The following TRPM3 variants were observed in gnomAD, a reference collection of about 807,000 sequenced individuals.
The protein encoded by TRPM3 is transient receptor potential cation channel subfamily M member 3, also known as long transient receptor potential channel 3.
In TRPM3, 77 loss-of-function variants were observed where a neutral mutation model predicts 181.2. That is an observed-to-expected ratio of 0.42 (90% CI 0.35 to 0.51). TRPM3 has a LOEUF of 0.51. Ranked by LOEUF, TRPM3 falls within the 20% of genes least tolerant of loss-of-function variation. TRPM3 has a pLI of 0.01. For missense variants in TRPM3, 1,759 were observed against 2,196.7 expected (o/e 0.80, Z 3.98); for synonymous variants, 745 against 796.4 (o/e 0.94, Z 1.09).
intron 5 of TRPM3, among the ~76,000 whole-genome samples, chr9:70,831,078 G>T (rs1342470182): frequency 6.6e-6 from 1 of 152,186 alleles, no homozygotes; most frequent in East Asian, 1.9e-4. Flanking sequence ...ATCTAAGAGG[G>T]TGATGGTCTG....
intron 14 of TRPM3, 79 bp from the exon 15 acceptor site, chr9:70,621,352 AT>A: frequency 1.8e-6 from 2 of 1,136,906 alleles, no homozygotes; most frequent in Admixed American, 2.6e-5. Context: ...CCTATTATAT[AT>A]TTTTTGTTTT....
At chr9:70,607,052 C>T (rs1301013318) in intron 19 of TRPM3, among the ~76,000 whole-genome samples, 1 of 152,220 alleles carries the variant, frequency 6.6e-6, no homozygotes, top group East Asian at 1.9e-4. Flanking sequence ...TTTGAATCCT[C>T]TCCAGATGGA....
intron 7 of TRPM3, among the ~76,000 whole-genome samples, chr9:70,771,497 T>C (rs1057476250): frequency 2.0e-5 from 3 of 152,152 alleles, no homozygotes; most frequent in Non-Finnish European, 4.4e-5. Flanking sequence ...CTTCTTTCCT[T>C]GTTCTCACCT....
intron 1 of TRPM3, among the ~76,000 whole-genome samples, chr9:71,037,298 A>G (rs1306190457): frequency 1.3e-5 from 2 of 152,210 alleles, no homozygotes; most frequent in East Asian, 3.9e-4. Flanking sequence ...TAATTAGTCC[A>G]TACACCTCAG....
intron 1 of TRPM3, among the ~76,000 whole-genome samples, chr9:71,092,288 C>T (rs2066358635): frequency 6.6e-6 from 1 of 152,038 alleles, no homozygotes; most frequent in Non-Finnish European, 1.5e-5. Flanking sequence ...ATGAATGGTG[C>T]CCTCTGGAAC....
intron 1 of TRPM3, among the ~76,000 whole-genome samples, chr9:71,378,852 A>G (rs1045812395): frequency 1.3e-5 from 2 of 152,042 alleles, no homozygotes; most frequent in Non-Finnish European, 2.9e-5. Context: ...ACAGCATTAT[A>G]TATTATTGAA....
chr9:70,603,570 A>T (rs944740926), intron 19 of TRPM3, 100 bp from the exon 20 acceptor site: 1 of 1,347,400 alleles, frequency 7.4e-7, no homozygotes, highest in East Asian at 2.4e-5. Context: ...GTCAGCAAGC[A>T]GGACACAGAC....
At chr9:71,181,409 A>T (rs925050212) in intron 1 of TRPM3, among the ~76,000 whole-genome samples, 3 of 149,984 alleles carry the variant, frequency 2.0e-5, no homozygotes, top group African/African-American at 7.4e-5. Context: ...TTTGCTCTTC[A>T]GCCACAAGAT....
intron 6 of TRPM3, among the ~76,000 whole-genome samples, chr9:70,788,333 C>T (rs544364650): frequency 3.3e-5 from 5 of 151,994 alleles, no homozygotes; most frequent in African/African-American, 1.2e-4. Flanking sequence ...AAATTAAGCA[C>T]ATTGATACAT....
intron 1 of TRPM3, among the ~76,000 whole-genome samples, chr9:70,953,011 A>T (rs976697660): frequency 2.0e-5 from 3 of 152,234 alleles, no homozygotes; most frequent in Admixed American, 2.0e-4. Context: ...AAAGATAGGC[A>T]CTTCTACCTT....
intron 1 of TRPM3, among the ~76,000 whole-genome samples, chr9:70,897,593 G>A (rs2096296972): frequency 6.6e-6 from 1 of 152,088 alleles, no homozygotes; most frequent in African/African-American, 2.4e-5. Context: ...GAGTTTTGAA[G>A]AGAAAATTGT....
At chr9:70,873,175 C>T (rs115336927) in intron 1 of TRPM3, among the ~76,000 whole-genome samples, 4 of 151,956 alleles carry the variant, frequency 2.6e-5, no homozygotes, top group Non-Finnish European at 4.4e-5. Context: ...CAGGACCAAG[C>T]GCTCTTAAAT....
At chr9:70,646,887 A>ACC (rs35048300) in intron 9 of TRPM3, among the ~76,000 whole-genome samples, 14 of 147,584 alleles carry the variant, frequency 9.5e-5, no homozygotes, top group Admixed American at 1.3e-4. Context: ...AAAAAAAAAA[A>ACC]AAAACCCTCA....
At chr9:70,606,402 C>A (rs2132882745) in intron 19 of TRPM3, among the ~76,000 whole-genome samples, 1 of 152,036 alleles carries the variant, frequency 6.6e-6, no homozygotes, top group Non-Finnish European at 1.5e-5. Context: ...CATTTTTAGC[C>A]CCTGCCTGTT....
intron 1 of TRPM3, among the ~76,000 whole-genome samples, chr9:71,154,689 C>T (rs2134652700): frequency 6.6e-6 from 1 of 152,246 alleles, no homozygotes; most frequent in Non-Finnish European, 1.5e-5. Flanking sequence ...CTAGAAACTG[C>T]CATGTGAAAT....
chr9:70,605,448 C>T (rs2060878937), intron 19 of TRPM3, among the ~76,000 whole-genome samples: 8 of 151,744 alleles, frequency 5.3e-5, no homozygotes, highest in Admixed American at 4.6e-4. Flanking sequence ...GGCACACCCC[C>T]ACCCCCACCC....
chr9:71,155,715 C>G (rs1196287403), intron 1 of TRPM3, among the ~76,000 whole-genome samples: 1 of 151,990 alleles, frequency 6.6e-6, no homozygotes, highest in Non-Finnish European at 1.5e-5. Context: ...TCTCTTTTCA[C>G]ATTATTTACA....
intron 22 of TRPM3, among the ~76,000 whole-genome samples, chr9:70,575,189 CCCT>C (rs2053617213): frequency 6.6e-6 from 1 of 151,136 alleles, no homozygotes; most frequent in Non-Finnish European, 1.5e-5. Flanking sequence ...AAACCATCCT[CCCT>C]CCTCATTTTA....
chr9:70,793,196 G>A (rs904937958), intron 6 of TRPM3, among the ~76,000 whole-genome samples: 7 of 152,140 alleles, frequency 4.6e-5, no homozygotes, highest in Non-Finnish European at 8.8e-5. Flanking sequence ...GGCTTATGCC[G>A]TAATCCCAGC....
Sources: gnomAD v4.1 joint callset for allele counts (sites outside exome capture counted in the v4.1 genomes callset) on GRCh38, gnomAD v4.1.1 for gene constraint, MANE v1.5 for transcripts, NCBI Gene and HGNC (gene_info 2026-07-23, HGNC 2026-07-21) for gene names.